UBN2: variants seen among roughly 807,000 people sequenced by gnomAD.
The protein encoded by UBN2 is ubinuclein-2.
A neutral mutation model predicts 120.2 loss-of-function variants in UBN2; 35 were observed. The ratio of observed to expected loss-of-function variants is 0.29; its 90% confidence interval spans 0.22 to 0.39. The LOEUF (loss-of-function observed/expected upper bound fraction) is 0.39, where lower values mean the gene tolerates loss of function less well. Among genes scored for constraint, UBN2 ranks in the 10% least tolerant of loss-of-function variants. The pLI is 1.00. For synonymous variants in UBN2, 661 were observed against 648.7 expected (o/e 1.02, Z -0.29); for missense variants, 1,693 against 1,663.2 (o/e 1.02, Z -0.31).
chr7:139,232,031 G>T, intron 1 of UBN2, 79 bp downstream of exon 1: 1 of 1,437,640 alleles, frequency 7.0e-7, no homozygotes, highest in Non-Finnish European at 9.4e-7. Context: ...TTTGCACCTT[G>T]GGACGCCCAC....
rs1798277136 is a variant in UBN2 at position 139,302,274 on chromosome 7, TA to T, written c.*4442del. The T allele has an allele frequency of 1.3e-5, 2 of 152,232 alleles. No homozygotes were observed. Among genetic ancestry groups the T allele is most frequent in the South Asian group, 4.1e-4 (2 of 4,828 alleles). 9.4% of individuals were successfully genotyped at this position (152,232 alleles called of 1,614,324 possible). On this transcript the variant is annotated 3_prime_UTR_variant, in exon 18 of 18. Transcript: ENST00000473989. ...GTAAGATACATACATTACATATATA[TA>T]AAACTAGGAGCTGCTGTACCATTGC...
In UBN2 at chr7:139,307,189, G is replaced by GT. The variant is rs1798372439; in HGVS notation, c.*9355dup. On this transcript the variant is annotated 3_prime_UTR_variant, in exon 18 of 18. Transcript: ENST00000473989. The stretch of plus-strand genomic sequence containing the variant: ...AACCAATCTTGAAGGAGCCTAAAGA[G>GT]TTGATGGTCCTCTAGGTGAAAGACA... 1 of 152,172 alleles carries GT rather than the reference G, an allele frequency of 6.6e-6. No individual in the cohort carries two copies. The highest frequency in any genetic ancestry group is 2.4e-5 in the African/African-American group (1 of 41,440). The allele number at this position is 152,172 out of a possible 1,614,324, so 9.4% of individuals were successfully genotyped here. A position where few individuals can be genotyped will look rare whatever the true frequency, so the allele number is the denominator to read the frequency against.
In UBN2 at chr7:139,285,642, G is replaced by T. The variant is rs1049933566; in HGVS notation, c.3669+1068G>T. Among the ~76,000 whole-genome samples the T allele has an allele frequency of 7.9e-5, 12 of 152,102 alleles. No homozygotes were observed. In the South Asian group the frequency reaches 1.0e-3, roughly 13 times the overall value. ...GTAATAGCTTTCCATCTCAGAACTG[G>T]TTATTTATTTTAGATCAAGAATATT... On this transcript the variant is annotated intron_variant, in intron 15 of 17. Coordinates refer to ENST00000473989, the MANE Select transcript of UBN2 (RefSeq NM_173569.4).
At position 139,302,085 on chromosome 7, in the gene UBN2, G is replaced by C. The variant is rs946612104; in HGVS notation, c.*4249G>C. ...ATTCAGGCCTTTGTCTTTGTTAAGT[G>C]CCTTTTTTCTTTCTTTTTTCCTCTC... On this transcript the variant is annotated 3_prime_UTR_variant, in exon 18 of 18. Transcript: ENST00000473989. 1 of 152,084 alleles carries C rather than the reference G, an allele frequency of 6.6e-6. No individual in the cohort carries two copies. The highest frequency in any genetic ancestry group is 2.4e-5 in the African/African-American group (1 of 41,390). The allele number at this position is 152,084 out of a possible 1,614,324, so 9.4% of individuals were successfully genotyped here.
the UBN2 span, among the ~76,000 whole-genome samples, chr7:139,322,617 CTTT>C: frequency 5.8e-5 from 6 of 102,796 alleles, no homozygotes; most frequent in East Asian, 7.9e-4. Flanking sequence ...ACCATCTGGA[CTTT>C]TTTTTTTTTT....
In UBN2 at chr7:139,231,928, G is replaced by C. The variant is rs769253631; in HGVS notation, c.444G>C (p.Glu148Asp). 1 of 1,584,882 alleles carries C rather than the reference G, an allele frequency of 6.3e-7. No individual in the cohort carries two copies. Among genetic ancestry groups the C allele is most frequent in the Non-Finnish European group, 8.5e-7 (1 of 1,171,904 alleles). ...GCTGCGTGGAGTTCAGTTACCCGGA[G>C]CTGCTGCTGTGCGGAGAACAACGGG... ...DESCVEFSYP[E>D]LLLCGEQRKK... Residue 148 changes from glutamate to aspartate, a missense_variant, in exon 1 of 18, where the codon GAG (glutamate) becomes GAC (aspartate). This residue lies in a region of UBN2 where 663 missense variants were observed against 591.2 expected (regional missense o/e 1.12). Transcript: ENST00000473989.
intron 2 of UBN2, among the ~76,000 whole-genome samples, chr7:139,245,023 T>C (rs1796428417): frequency 6.6e-6 from 1 of 151,942 alleles, no homozygotes; most frequent in South Asian, 2.1e-4. Flanking sequence ...AGCCTTGACC[T>C]TCTGGGCTCA....
chr7:139,237,749 G>C (rs1796203765), intron 2 of UBN2, among the ~76,000 whole-genome samples: 1 of 152,170 alleles, frequency 6.6e-6, no homozygotes, highest in African/African-American at 2.4e-5. Flanking sequence ...CCAGGTCTGT[G>C]TAGCTCTAAC....
rs1797532211 is a variant in UBN2 at position 139,279,216 on chromosome 7, TAGC to T, written c.2025-99_2025-97del. On this transcript the variant is annotated intron_variant, in intron 12 of 17. Coordinates refer to ENST00000473989, the MANE Select transcript of UBN2 (RefSeq NM_173569.4). ...CGGTTCCTTCAAAGAGCTTTCCAAATAGCAGAAGGAATTATTTACCACATAATT... is the reference window on the plus strand; with the variant it reads ...CGGTTCCTTCAAAGAGCTTTCCAAATAGAAGGAATTATTTACCACATAATT... The T allele has an allele frequency of 3.3e-5, 31 of 927,658 alleles. 1 individual carries two copies. The South Asian group carries it at 4.2e-4, about 13-fold the overall frequency. The allele number at this position is 927,658 out of a possible 1,614,324, so 57.5% of individuals were successfully genotyped here.
rs1218266310 is a variant in UBN2, at chr7:139,259,287, T to A, written c.822T>A (p.Asp274Glu). 2.5e-6 allele frequency: 4 copies of A among 1,613,240 alleles called. No individual in the cohort carries two copies. Among genetic ancestry groups the A allele is most frequent in the Non-Finnish European group, 3.4e-6 (4 of 1,179,706 alleles). ...TGCAGGTCCCCAAAATAAAAGAAGATGATATTGAGATGAAGAAGCGGAAGC... is the reference window on the plus strand; with the variant it reads ...TGCAGGTCCCCAAAATAAAAGAAGAAGATATTGAGATGAAGAAGCGGAAGC... ...KPPKVPKIKEDDIEMKKRKRK... is the reference protein window; with the variant it reads ...KPPKVPKIKEEDIEMKKRKRK... The change falls in exon 5 of 18, where the codon GAT becomes GAA. Residue 274 changes from aspartate to glutamate, a missense_variant. Asp to Glu is a conservative substitution (Grantham distance 45). Transcript: ENST00000473989.
At chr7:139,277,460 G>A (rs1468742102) in intron 12 of UBN2, 2 of 152,098 alleles carry the variant, frequency 1.3e-5, no homozygotes, top group Non-Finnish European at 2.9e-5. Context: ...AATAAAGTAA[G>A]CTAAAGAAAA....
At chr7:139,238,263 C>T (rs1200046138) in intron 2 of UBN2, among the ~76,000 whole-genome samples, 1 of 152,138 alleles carries the variant, frequency 6.6e-6, no homozygotes, top group Non-Finnish European at 1.5e-5. Flanking sequence ...CAACAGGGAT[C>T]TTGACCCATA....
intron 2 of UBN2, among the ~76,000 whole-genome samples, chr7:139,248,304 G>C (rs555928640): frequency 3.9e-4 from 60 of 152,258 alleles, no homozygotes; most frequent in African/African-American, 1.4e-3. Context: ...AGAGGCAGAA[G>C]AAGAAAATGT....
intron 2 of UBN2, among the ~76,000 whole-genome samples, chr7:139,250,308 C>T (rs1796589856): frequency 6.6e-6 from 1 of 152,068 alleles, no homozygotes; most frequent in African/African-American, 2.4e-5. Flanking sequence ...TCTCGGCTCA[C>T]TGCAACGTCC....
the UBN2 span, among the ~76,000 whole-genome samples, chr7:139,313,728 T>C: frequency 0.016 from 2,400 of 152,264 alleles, 75 homozygotes; most frequent in African/African-American, 0.054. Flanking sequence ...TTTTGGTATA[T>C]AGTTTTTATG....
At chr7:139,262,735 A>G (rs1796976770) in intron 6 of UBN2, among the ~76,000 whole-genome samples, 1 of 151,822 alleles carries the variant, frequency 6.6e-6, no homozygotes, top group African/African-American at 2.4e-5. Flanking sequence ...AAAAACCCAA[A>G]TAAATAAATA....
rs1370771095 is a variant in UBN2, at chr7:139,283,332, C to T, written c.2427C>T (p.Ile809=). 6.2e-7 allele frequency: 1 copy of T among 1,613,918 alleles called. No individual in the cohort carries two copies. Residue 809 remains isoleucine (I), a synonymous_variant, in exon 15 of 18, where the codon ATC becomes ATT. Transcript: ENST00000473989. ...PGLREEKLAS[I]MSKLPLATPK... ...TGAGAGAAGAAAAATTAGCAAGTAT[C>T]ATGAGTAAGCTGCCACTAGCTACTC...
At position 139,283,765 on chromosome 7, in the gene UBN2, C is replaced by T. The variant is rs779764965; in HGVS notation, c.2860C>T (p.Pro954Ser). Residue 954 changes from proline to serine, a missense_variant, in exon 15 of 18, where the codon CCC becomes TCC. Physicochemically the swap from Pro to Ser is moderately conservative, Grantham distance 74. Around this residue, in one of 5 missense-constraint regions of UBN2, gnomAD observed 837 missense variants for 817.6 expected, o/e 1.02. Coordinates refer to ENST00000473989, the MANE Select transcript of UBN2 (RefSeq NM_173569.4). ...QATISKSQTN[P>S]VVKLSNNPQL... ...CACCATCAGTAAATCCCAGACCAAC[C>T]CCGTCGTGAAGTTAAGTAATAATCC... 6.2e-7 allele frequency: 1 copy of T among 1,613,830 alleles called. No individual in the cohort carries two copies. The highest frequency in any genetic ancestry group is 8.5e-7 in the Non-Finnish European group (1 of 1,180,026).
chr7:139,258,998 A>G (rs763713726), intron 4 of UBN2, among the ~76,000 whole-genome samples: 16 of 152,216 alleles, frequency 1.1e-4, no homozygotes, highest in Non-Finnish European at 1.9e-4. Context: ...GTCCTTGGAT[A>G]AGTGTTTCTT....
Sources: allele counts gnomAD v4.1 joint callset (sites outside exome capture counted in the v4.1 genomes callset), GRCh38; gene constraint gnomAD v4.1.1; regional missense constraint gnomAD v4.1.1; transcripts MANE v1.5; gene names NCBI Gene and HGNC (gene_info 2026-07-23, HGNC 2026-07-21).